The following IRF8 variants were observed in gnomAD, a reference collection of about 807,000 sequenced individuals.
IRF8 encodes the protein interferon regulatory factor 8.
In IRF8, 14 loss-of-function variants were observed where a neutral mutation model predicts 48.7. That is an observed-to-expected ratio of 0.29 (90% CI 0.19 to 0.45). The LOEUF (loss-of-function observed/expected upper bound fraction) is 0.45. Among genes scored for constraint, IRF8 ranks in the 20% least tolerant of loss-of-function variants. IRF8 has a pLI of 1.00. For synonymous variants in IRF8, 278 were observed against 227.3 expected (o/e 1.22, Z -2.01); for missense variants, 493 against 580.7 (o/e 0.85, Z 1.55).
At chr16:85,916,865 GC>G (rs1242720193) in intron 6 of IRF8, among the ~76,000 whole-genome samples, 3 of 152,146 alleles carry the variant, frequency 2.0e-5, no homozygotes, top group Non-Finnish European at 4.4e-5. Context: ...AAGATGGTGA[GC>G]AGGGAAGAGC....
chr16:85,918,617 C>A lies in IRF8; in HGVS notation c.802C>A (p.Arg268=). The change falls in exon 7 of 9, where the codon CGG becomes AGG. Residue 268 remains arginine, a synonymous_variant. Coordinates refer to ENST00000268638, the MANE Select transcript of IRF8 (RefSeq NM_002163.4). ...IPSERQRQVT[R]KLFGHLERGV... ...CAGCGAGCGACAGAGGCAGGTGACGCGGAAGCTGTTCGGGCACCTGGAGCG... is the reference window on the plus strand; with the variant it reads ...CAGCGAGCGACAGAGGCAGGTGACGAGGAAGCTGTTCGGGCACCTGGAGCG... The A allele has an allele frequency of 6.2e-7, 1 of 1,607,806 alleles. No homozygotes were observed. The highest frequency in any genetic ancestry group is 8.5e-7 in the Non-Finnish European group (1 of 1,179,502).
chr16:85,911,843 G>C (rs1905155081), intron 4 of IRF8, among the ~76,000 whole-genome samples, 185 bp downstream of exon 4: 4 of 152,226 alleles, frequency 2.6e-5, no homozygotes, highest in African/African-American at 9.6e-5. Flanking sequence ...CCCCAGGCCA[G>C]CTTCTGCCGA....
intron 1 of IRF8, chr16:85,902,540 A>G (rs573111251): frequency 3.6e-4 from 82 of 227,054 alleles, no homozygotes; most frequent in African/African-American, 1.8e-3. Context: ...CCCAGACGGC[A>G]CGGACGCAGT....
intron 5 of IRF8, chr16:85,914,188 G>A: frequency 4.1e-6 from 2 of 484,612 alleles, no homozygotes; most frequent in Non-Finnish European, 7.6e-6. Flanking sequence ...GCTTGAGGTG[G>A]GAAGGAAATG....
chr16:85,915,651 G>A (rs1487385990), intron 6 of IRF8, among the ~76,000 whole-genome samples: 2 of 152,220 alleles, frequency 1.3e-5, no homozygotes, highest in Non-Finnish European at 2.9e-5. Flanking sequence ...CCCGGCAGCC[G>A]CCATGCTCAC....
intron 6 of IRF8, among the ~76,000 whole-genome samples, chr16:85,917,184 C>T (rs1262665257): frequency 6.6e-6 from 1 of 152,132 alleles, no homozygotes; most frequent in Non-Finnish European, 1.5e-5. Context: ...CTCTAGGGGG[C>T]GCCGTGGAGT....
chr16:85,909,134 T>C lies in IRF8; in HGVS notation c.319T>C (p.Tyr107His). The C allele has an allele frequency of 6.2e-7, 1 of 1,614,192 alleles. No homozygotes were observed. Among genetic ancestry groups the C allele is most frequent in the Non-Finnish European group, 8.5e-7 (1 of 1,180,034 alleles). The part of the protein sequence containing the change: ...DRSQLDISEP[Y>H]KVYRIVPEEE... ...GTCCCAACTGGACATTTCCGAGCCATACAAAGTTTACCGAATTGTTCCTGA... is the reference window on the plus strand; with the variant it reads ...GTCCCAACTGGACATTTCCGAGCCACACAAAGTTTACCGAATTGTTCCTGA... The change falls in exon 3 of 9, where the codon TAC (tyrosine) becomes CAC (histidine). Residue 107 changes from tyrosine to histidine, a missense_variant. Physicochemically the swap from Tyr to His is moderately conservative, Grantham distance 83. Transcript: ENST00000268638.
Position 85,903,076 on chromosome 16 carries a change from A to G in IRF8, c.61A>G (p.Ser21Gly). 6.2e-7 allele frequency: 1 copy of G among 1,614,212 alleles called. No individual in the cohort carries two copies. Among genetic ancestry groups the G allele is most frequent in the Non-Finnish European group, 8.5e-7 (1 of 1,180,016 alleles). The change falls in exon 2 of 9, where the codon AGC becomes GGC. Residue 21 changes from serine (S) to glycine (G), a missense_variant. Ser to Gly is a moderately conservative substitution (Grantham distance 56, BLOSUM62 0). Transcript: ENST00000268638. Reference protein sequence around the residue: ...RQWLIEQIDSSMYPGLIWENE... With the variant: ...RQWLIEQIDSGMYPGLIWENE... ...GTGGCTGATCGAGCAGATTGACAGTAGCATGTATCCAGGACTGATTTGGGA... is the reference window on the plus strand; with the variant it reads ...GTGGCTGATCGAGCAGATTGACAGTGGCATGTATCCAGGACTGATTTGGGA...
intron 3 of IRF8, chr16:85,909,537 A>G (rs305078): frequency 0.031 from 9,757 of 318,570 alleles, 905 homozygotes; most frequent in African/African-American, 0.19. Flanking sequence ...GGCCTGGATC[A>G]TGAGGGTTGG....
chr16:85,908,832 A>G (rs1286988213), intron 2 of IRF8, among the ~76,000 whole-genome samples, 158 bp from the exon 3 acceptor site: 1 of 152,150 alleles, frequency 6.6e-6, no homozygotes, highest in Admixed American at 6.5e-5. Context: ...GACTCAAGAC[A>G]TCTGATTGGA....
intron 6 of IRF8, among the ~76,000 whole-genome samples, chr16:85,918,070 T>C (rs959805554): frequency 6.6e-6 from 1 of 152,192 alleles, no homozygotes; most frequent in Non-Finnish European, 1.5e-5. Flanking sequence ...AGTATTGTCA[T>C]AAGAAATGAG....
At chr16:85,919,999 G>C in intron 7 of IRF8, 110 bp from the exon 8 acceptor site, 1 of 808,014 alleles carries the variant, frequency 1.2e-6, no homozygotes, top group Non-Finnish European at 2.1e-6. Context: ...ATGGTGCCCT[G>C]GCCTAAATGC....
chr16:85,918,816 G>A lies in IRF8; in HGVS notation c.988+13G>A, dbSNP rs1015397419. On this transcript the variant is annotated intron_variant, in intron 7 of 8. Transcript: ENST00000268638. ...CAGTTCTTCCGAGGTCTGTACCGTC[G>A]TCACCTTGCTGCCCCCACATCTTAG... The A allele has an allele frequency of 5.0e-6, 8 of 1,604,906 alleles. No individual in the cohort carries two copies. The highest frequency in any genetic ancestry group is 2.7e-5 in the African/African-American group (2 of 74,950).
At chr16:85,911,702 A>G in intron 4 of IRF8, 44 bp downstream of exon 4, 1 of 1,535,932 alleles carries the variant, frequency 6.5e-7, no homozygotes, top group Non-Finnish European at 9.0e-7. Flanking sequence ...TGCCAGGAGG[A>G]GTCTCATGTC....
rs1905388025 is a variant in IRF8, at chr16:85,918,317, A to C, written c.602-100A>C. The C allele has an allele frequency of 5.8e-6, 8 of 1,382,248 alleles. No individual in the cohort carries two copies. In the East Asian group the frequency reaches 1.2e-4, roughly 20 times the overall value. The allele number at this position is 1,382,248 out of a possible 1,614,324, so 85.6% of individuals were successfully genotyped here. On this transcript the variant is annotated intron_variant, in intron 6 of 8. Coordinates refer to ENST00000268638, the MANE Select transcript of IRF8 (RefSeq NM_002163.4). The stretch of plus-strand genomic sequence containing the variant: ...ATATCAAAGTGGTTCAAGACACACA[A>C]AGAGTTACCCGTGTAGGTGTGAGAC...
intron 2 of IRF8, 49 bp downstream of exon 2, chr16:85,903,238 C>T (rs1160132222): frequency 9.4e-6 from 14 of 1,496,476 alleles, no homozygotes; most frequent in African/African-American, 1.4e-5. Flanking sequence ...GTCTCCTTTC[C>T]CTCATGGACT....
rs150193781 is a variant in IRF8 at position 85,903,141 on chromosome 16, C to T, written c.126C>T (p.His42=). The T allele has an allele frequency of 8.7e-5, 141 of 1,614,150 alleles. No homozygotes were observed. Among genetic ancestry groups the T allele is most frequent in the African/African-American group, 2.7e-4 (20 of 75,026 alleles). Residue 42 remains histidine (H), a synonymous_variant, in exon 2 of 9, where the codon CAC becomes CAT. Transcript: ENST00000268638. ...EKSMFRIPWK[H]AGKQDYNQEV... Reference sequence around the variant, plus strand: ...GCATGTTCCGGATCCCTTGGAAACACGCTGGCAAGCAAGATTATAATCAGG... The same window carrying T: ...GCATGTTCCGGATCCCTTGGAAACATGCTGGCAAGCAAGATTATAATCAGG...
chr16:85,919,154 C>G (rs1056598260), intron 7 of IRF8, among the ~76,000 whole-genome samples: 1 of 152,154 alleles, frequency 6.6e-6, no homozygotes, highest in African/African-American at 2.4e-5. Context: ...GTCTGAGGCC[C>G]TGCTCCAGCC....
intron 1 of IRF8, 86 bp downstream of exon 1, chr16:85,899,309 G>C (rs1904744604): frequency 6.6e-6 from 1 of 152,224 alleles, no homozygotes; most frequent in African/African-American, 2.4e-5. Context: ...CGTGGGGGTG[G>C]AACTACCTAC....
Sources: allele counts gnomAD v4.1 joint callset (sites outside exome capture counted in the v4.1 genomes callset), GRCh38; gene constraint gnomAD v4.1.1; transcripts MANE v1.5; gene names NCBI Gene and HGNC (gene_info 2026-07-23, HGNC 2026-07-21).